Variants in AFF3 observed in about 807,000 individuals in gnomAD.
The protein encoded by AFF3 is ALF transcription elongation factor 3, also known as AF4/FMR2 family member 3.
Under a neutral mutation model 129.7 loss-of-function variants are expected in AFF3, and 32 were observed. The ratio of observed to expected loss-of-function variants is 0.25; its 90% CI spans 0.19 to 0.33. The LOEUF is 0.33. Ranked by LOEUF, AFF3 falls within the 10% of genes least tolerant of loss-of-function variation. AFF3 has a pLI of 1.00. For synonymous variants in AFF3, 644 were observed against 635.4 expected (o/e 1.01, Z -0.20); for missense variants, 1,373 against 1,592.0 (o/e 0.86, Z 2.34).
intron 7 of AFF3, among the ~76,000 whole-genome samples, chr2:99,945,828 A>G (rs1675509370): frequency 6.6e-6 from 1 of 152,206 alleles, no homozygotes; most frequent in Non-Finnish European, 1.5e-5. Flanking sequence ...GTTTAAAAAC[A>G]AAGGCTGTCA....
intron 11 of AFF3, among the ~76,000 whole-genome samples, chr2:99,688,856 A>G (rs1675331094): frequency 6.6e-6 from 1 of 152,196 alleles, no homozygotes; most frequent in African/African-American, 2.4e-5. Context: ...AGCATCTAGG[A>G]AAATGCCCGG....
At chr2:99,810,438 A>C (rs1686699382) in intron 8 of AFF3, among the ~76,000 whole-genome samples, 1 of 152,240 alleles carries the variant, frequency 6.6e-6, no homozygotes, top group Admixed American at 6.5e-5. Flanking sequence ...ACAGAGCAAT[A>C]AACCTATTGC....
chr2:99,579,681 T>C lies in AFF3; in HGVS notation c.2794-1230A>G, dbSNP rs150199464. Among the ~76,000 whole-genome samples the C allele has an allele frequency of 5.5e-3, 840 of 152,310 alleles. 7 individuals are homozygous for C. Among genetic ancestry groups the C allele is most frequent in the African/African-American group, 0.019 (800 of 41,552 alleles). ...GTTGCAGTGAGCCAAGACTGCACCA[T>C]TGCACTCCAGCCTGGACAAGAACAA... is the stretch of plus-strand genomic sequence containing the variant. On this transcript the variant is annotated intron_variant, in intron 17 of 24. Coordinates refer to ENST00000672756, the MANE Select transcript of AFF3 (RefSeq NM_001386135.1).
chr2:99,926,211 C>T (rs1166893852), intron 7 of AFF3, among the ~76,000 whole-genome samples: 1 of 152,158 alleles, frequency 6.6e-6, no homozygotes, highest in African/African-American at 2.4e-5. Context: ...GAAAGGAAAG[C>T]GAGAGAGCTA....
chr2:99,787,137 A>G (rs1389238405), intron 8 of AFF3, among the ~76,000 whole-genome samples: 1 of 152,086 alleles, frequency 6.6e-6, no homozygotes, highest in East Asian at 1.9e-4. Context: ...TCTCTCAAAG[A>G]TTTTGCTCTA....
intron 11 of AFF3, among the ~76,000 whole-genome samples, chr2:99,717,070 C>A (rs1439010469): frequency 1.3e-5 from 2 of 152,130 alleles, no homozygotes; most frequent in East Asian, 3.8e-4. Flanking sequence ...ATAGCGTGAG[C>A]AGTTTGTTGC....
At chr2:99,859,992 T>A (rs1364120526) in intron 7 of AFF3, among the ~76,000 whole-genome samples, 1 of 152,220 alleles carries the variant, frequency 6.6e-6, no homozygotes, top group Non-Finnish European at 1.5e-5. Context: ...AAGAAATGCA[T>A]ATATTCTCTC....
intron 12 of AFF3, among the ~76,000 whole-genome samples, chr2:99,663,445 T>A (rs1349307597): frequency 1.3e-5 from 2 of 152,234 alleles, no homozygotes; most frequent in African/African-American, 4.8e-5. Flanking sequence ...TATTACTCTA[T>A]GCATTATAAA....
chr2:99,729,894 T>C (rs1277287467), intron 10 of AFF3, among the ~76,000 whole-genome samples: 1 of 151,900 alleles, frequency 6.6e-6, no homozygotes, highest in Non-Finnish European at 1.5e-5. Context: ...GGAATCTGCA[T>C]TGGTCATTAA....
intron 10 of AFF3, among the ~76,000 whole-genome samples, chr2:99,736,683 C>A (rs1379390091): frequency 6.9e-6 from 1 of 144,710 alleles, no homozygotes; most frequent in African/African-American, 2.6e-5. Flanking sequence ...AATCTTGGCT[C>A]ACTGCAACCT....
chr2:99,888,803 C>G (rs1467738275), intron 7 of AFF3, among the ~76,000 whole-genome samples: 1 of 151,902 alleles, frequency 6.6e-6, no homozygotes, highest in African/African-American at 2.4e-5. Context: ...CTCCTTCTGC[C>G]CAAGAGGCCA....
At chr2:100,109,726 A>G (rs1436293607) in intron 2 of AFF3, 1 of 151,892 alleles carries the variant, frequency 6.6e-6, no homozygotes, top group Non-Finnish European at 1.5e-5. Flanking sequence ...TAAAGTATCA[A>G]CTCCATTTAG....
intron 7 of AFF3, among the ~76,000 whole-genome samples, chr2:99,889,719 C>T (rs942291570): frequency 5.3e-5 from 8 of 152,182 alleles, no homozygotes; most frequent in East Asian, 3.9e-4. Flanking sequence ...AGTGAACTGG[C>T]GTGATCTCAG....
chr2:100,135,035 C>T (rs1692578296), intron 1 of AFF3, among the ~76,000 whole-genome samples: 1 of 152,162 alleles, frequency 6.6e-6, no homozygotes, highest in African/African-American at 2.4e-5. Context: ...CTCCAAGGTG[C>T]TAGGCCATGA....
chr2:99,864,699 T>C (rs1296180461), intron 7 of AFF3, among the ~76,000 whole-genome samples: 1 of 152,200 alleles, frequency 6.6e-6, no homozygotes, highest in Non-Finnish European at 1.5e-5. Context: ...TTTAACATGT[T>C]AGCCAATGCC....
chr2:100,003,410 C>T (rs1681618339), intron 7 of AFF3, among the ~76,000 whole-genome samples: 1 of 152,194 alleles, frequency 6.6e-6, no homozygotes, highest in Admixed American at 6.5e-5. Flanking sequence ...TTTGGCTATT[C>T]GTTAGTCCCT....
At chr2:99,582,120 G>T (rs2104826176) in intron 17 of AFF3, among the ~76,000 whole-genome samples, 1 of 152,278 alleles carries the variant, frequency 6.6e-6, no homozygotes, top group South Asian at 2.1e-4. Flanking sequence ...CTCCCAAAGT[G>T]CTGGGATTAC....
intron 7 of AFF3, among the ~76,000 whole-genome samples, chr2:99,919,790 A>C (rs1558975696): frequency 6.6e-6 from 1 of 152,106 alleles, no homozygotes; most frequent in African/African-American, 2.4e-5. Flanking sequence ...CAGTTCTCTA[A>C]AAAGCCTAAT....
intron 4 of AFF3, among the ~76,000 whole-genome samples, chr2:100,033,429 C>T (rs1469890887): frequency 2.6e-5 from 4 of 152,140 alleles, no homozygotes; most frequent in South Asian, 2.1e-4. Flanking sequence ...ATACGTGAAT[C>T]GTTACTTCTA....
Sources: gnomAD v4.1 joint callset for allele counts (sites outside exome capture counted in the v4.1 genomes callset) on GRCh38, gnomAD v4.1.1 for gene constraint, MANE v1.5 for transcripts, NCBI Gene and HGNC (gene_info 2026-07-23, HGNC 2026-07-21) for gene names.